PRKG1: variants seen among roughly 807,000 people sequenced by gnomAD.
PRKG1 encodes protein kinase cGMP-dependent 1, also known as cGMP-dependent protein kinase 1.
In PRKG1, 35 loss-of-function variants were observed where a neutral mutation model predicts 88.1. The observed-to-expected ratio is 0.40, with a 90% CI of 0.30 to 0.53. The LOEUF is 0.53. Ranked by LOEUF, PRKG1 falls within the 20% of genes least tolerant of loss-of-function variation. The pLI, the probability that PRKG1 is intolerant of heterozygous loss-of-function variation, is 0.59. For missense variants in PRKG1, 540 were observed against 839.8 expected, an observed-to-expected ratio of 0.64 and a Z score of 4.41; for synonymous variants, 303 against 292.5, an observed-to-expected ratio of 1.04 and a Z score of -0.37.
intron 2 of PRKG1, among the ~76,000 whole-genome samples, chr10:51,404,526 C>T (rs540301128): frequency 6.6e-6 from 1 of 152,284 alleles, no homozygotes; most frequent in South Asian, 2.1e-4. Flanking sequence ...AAAGGTTGAT[C>T]TGTGAATGCA....
At chr10:51,248,678 G>T (rs1312904990) in intron 2 of PRKG1, among the ~76,000 whole-genome samples, 1 of 151,690 alleles carries the variant, frequency 6.6e-6, no homozygotes, top group East Asian at 1.9e-4. Context: ...ATTTAAAGAA[G>T]TGCTAACTGA....
rs60813057 is a variant in PRKG1, at chr10:51,512,034, G to A, written c.592+44198G>A. 7.5e-3 allele frequency among the ~76,000 whole-genome samples: 1,136 copies of A among 152,164 alleles called. 21 individuals carry two copies. Among genetic ancestry groups the A allele is most frequent in the African/African-American group, 0.026 (1,088 of 41,526 alleles). On this transcript the variant is annotated intron_variant, in intron 3 of 17. Coordinates refer to ENST00000373980, the MANE Select transcript of PRKG1 (RefSeq NM_006258.4). ...AACTGTCAGTCATAAAATAGTATAT[G>A]TCATGTGATTCCATTTATACAAAGT... is the stretch of plus-strand genomic sequence containing the variant.
intron 8 of PRKG1, among the ~76,000 whole-genome samples, chr10:52,148,703 T>G (rs1243635524): frequency 1.3e-5 from 2 of 152,112 alleles, no homozygotes; most frequent in African/African-American, 2.4e-5. Context: ...ATTGCATGAC[T>G]GCAACCAGGG....
upstream of PRKG1, among the ~76,000 whole-genome samples, chr10:51,070,128 G>A (rs1485254126): frequency 6.6e-6 from 1 of 152,136 alleles, no homozygotes; most frequent in Non-Finnish European, 1.5e-5. Flanking sequence ...TCTGCAGAAA[G>A]TAATGAGGGG....
At chr10:51,527,310 C>A (rs1841907115) in intron 3 of PRKG1, among the ~76,000 whole-genome samples, 1 of 151,310 alleles carries the variant, frequency 6.6e-6, no homozygotes, top group Non-Finnish European at 1.5e-5. Context: ...TATTATGCAG[C>A]CATAATATTA....
intron 1 of PRKG1, among the ~76,000 whole-genome samples, chr10:51,088,333 C>G (rs1844305816): frequency 6.7e-6 from 1 of 149,830 alleles, no homozygotes; most frequent in South Asian, 2.1e-4. Context: ...GAAAGTTTAT[C>G]AATGCTTTCT....
chr10:51,119,948 G>A (rs1190020197), intron 1 of PRKG1, among the ~76,000 whole-genome samples: 1 of 152,082 alleles, frequency 6.6e-6, no homozygotes, highest in Non-Finnish European at 1.5e-5. Context: ...CATGAGCTTG[G>A]ACATGAAAGT....
intron 1 of PRKG1, among the ~76,000 whole-genome samples, chr10:51,098,889 A>T (rs1218166543): frequency 6.6e-6 from 1 of 152,122 alleles, no homozygotes; most frequent in African/African-American, 2.4e-5. Flanking sequence ...GGTTTTTCAG[A>T]CATCAAGAAA....
chr10:51,763,220 T>G (rs1253378757), intron 3 of PRKG1, among the ~76,000 whole-genome samples: 1 of 152,072 alleles, frequency 6.6e-6, no homozygotes, highest in African/African-American at 2.4e-5. Flanking sequence ...TATATGTATA[T>G]TTTTAATTTT....
At chr10:51,007,500 T>G (rs1842953080) in intron 1 of PRKG1, among the ~76,000 whole-genome samples, 1 of 152,224 alleles carries the variant, frequency 6.6e-6, no homozygotes, top group Non-Finnish European at 1.5e-5. Context: ...CAGGAAACCT[T>G]CTGGTATTCT....
chr10:51,662,512 ACT>A (rs1427347815), intron 3 of PRKG1, among the ~76,000 whole-genome samples: 1 of 152,072 alleles, frequency 6.6e-6, no homozygotes, highest in African/African-American at 2.4e-5. Flanking sequence ...GTGGTTCAAG[ACT>A]CTAGTCATTA....
intron 1 of PRKG1, among the ~76,000 whole-genome samples, chr10:51,067,207 G>A (rs1843761495): frequency 6.6e-6 from 1 of 151,260 alleles, no homozygotes. Context: ...GGGATGTTAA[G>A]CCATGGCATA....
chr10:51,419,589 G>A (rs939321514), intron 2 of PRKG1, among the ~76,000 whole-genome samples: 6 of 152,190 alleles, frequency 3.9e-5, no homozygotes, highest in Non-Finnish European at 5.9e-5. Flanking sequence ...GGGACTGTCA[G>A]ATGACAAAGG....
intron 2 of PRKG1, among the ~76,000 whole-genome samples, chr10:51,295,593 T>C (rs906564748): frequency 6.6e-6 from 1 of 152,030 alleles, no homozygotes; most frequent in African/African-American, 2.4e-5. Flanking sequence ...GATAAGCTTA[T>C]TTCTTCCCTT....
At chr10:51,452,770 T>G (rs1298622706) in intron 2 of PRKG1, among the ~76,000 whole-genome samples, 3 of 151,952 alleles carry the variant, frequency 2.0e-5, no homozygotes, top group African/African-American at 4.8e-5. Flanking sequence ...ATTATGTCCC[T>G]TCTTGGTTTT....
At chr10:51,448,504 G>T (rs1839340383) in intron 2 of PRKG1, among the ~76,000 whole-genome samples, 1 of 151,990 alleles carries the variant, frequency 6.6e-6, no homozygotes, top group Admixed American at 6.6e-5. Context: ...TCTGAGGATT[G>T]TGACTGCATT....
intron 2 of PRKG1, among the ~76,000 whole-genome samples, chr10:51,217,567 A>G (rs1276816550): frequency 1.3e-5 from 2 of 152,110 alleles, no homozygotes; most frequent in African/African-American, 4.8e-5. Flanking sequence ...AATGAAACAC[A>G]TTTTTTCTAT....
intron 1 of PRKG1, among the ~76,000 whole-genome samples, chr10:51,048,270 C>T (rs1196299253): frequency 2.6e-5 from 4 of 151,796 alleles, no homozygotes; most frequent in Non-Finnish European, 5.9e-5. Context: ...TTCTTGCTCC[C>T]TCTTTCTTTT....
intron 2 of PRKG1, among the ~76,000 whole-genome samples, chr10:51,288,271 A>G (rs936661059): frequency 1.3e-5 from 2 of 152,088 alleles, no homozygotes; most frequent in African/African-American, 4.8e-5. Flanking sequence ...CTAAAATGCT[A>G]CTTTTTTGTG....
Sources: gnomAD v4.1 joint callset for allele counts (sites outside exome capture counted in the v4.1 genomes callset) on GRCh38, gnomAD v4.1.1 for gene constraint, MANE v1.5 for transcripts, NCBI Gene and HGNC (gene_info 2026-07-23, HGNC 2026-07-21) for gene names.